Variants in EPHB1 observed in about 807,000 individuals in gnomAD.
The protein encoded by EPHB1 is EPH receptor B1.
In EPHB1, 30 loss-of-function variants were observed where a neutral mutation model predicts 94.4. The observed-to-expected ratio is 0.32, with a 90% CI of 0.24 to 0.43. The LOEUF (loss-of-function observed/expected upper bound fraction) is 0.43. Ranked by LOEUF, EPHB1 falls within the 20% of genes least tolerant of loss-of-function variation. EPHB1 has a pLI of 1.00. For synonymous variants in EPHB1, 522 were observed against 489.1 expected, an observed-to-expected ratio of 1.07 and a Z score of -0.89; for missense variants, 1,055 against 1,308.3, an observed-to-expected ratio of 0.81 and a Z score of 2.99.
At chr3:134,843,911 A>G (rs552530236) in intron 1 of EPHB1, among the ~76,000 whole-genome samples, 4 of 151,964 alleles carry the variant, frequency 2.6e-5, no homozygotes, top group Non-Finnish European at 5.9e-5. Flanking sequence ...GTTTCTATTG[A>G]TTGCTTTCTT....
At chr3:135,203,317 G>A (rs1232809401) in intron 12 of EPHB1, among the ~76,000 whole-genome samples, 1 of 152,124 alleles carries the variant, frequency 6.6e-6, no homozygotes, top group African/African-American at 2.4e-5. Flanking sequence ...AAACCTAGAT[G>A]ATGGGTTAAT....
chr3:134,840,300 C>T (rs1028787893), intron 1 of EPHB1, among the ~76,000 whole-genome samples: 3 of 152,198 alleles, frequency 2.0e-5, no homozygotes, highest in African/African-American at 7.2e-5. Context: ...CCATAGGTTT[C>T]ATAACCAGGT....
intron 1 of EPHB1, among the ~76,000 whole-genome samples, chr3:134,873,839 C>T (rs1015980253): frequency 1.3e-5 from 2 of 152,198 alleles, no homozygotes; most frequent in African/African-American, 2.4e-5. Flanking sequence ...GTGAACAAGA[C>T]GTGATCTCTC....
intron 9 of EPHB1, among the ~76,000 whole-genome samples, chr3:135,179,099 C>G (rs763113050): frequency 4.6e-5 from 7 of 152,064 alleles, no homozygotes; most frequent in Non-Finnish European, 8.8e-5. Flanking sequence ...CCATGCACAC[C>G]TATTTATCTT....
At chr3:135,174,152 A>G (rs146676667) in intron 9 of EPHB1, among the ~76,000 whole-genome samples, 56 of 152,314 alleles carry the variant, frequency 3.7e-4, no homozygotes, top group African/African-American at 1.2e-3. Flanking sequence ...CTTGCCAGCA[A>G]GATGAGCCCC....
At chr3:134,953,454 A>T (rs1167439643) in intron 3 of EPHB1, among the ~76,000 whole-genome samples, 4 of 152,254 alleles carry the variant, frequency 2.6e-5, no homozygotes, top group African/African-American at 4.8e-5. Context: ...ATCAACGTCA[A>T]CAGTTTTAAA....
intron 3 of EPHB1, among the ~76,000 whole-genome samples, chr3:135,098,473 A>T (rs1345718989): frequency 6.6e-6 from 1 of 152,188 alleles, no homozygotes; most frequent in African/African-American, 2.4e-5. Context: ...TGAATGTTGC[A>T]TGATTTATTT....
intron 3 of EPHB1, among the ~76,000 whole-genome samples, chr3:134,967,734 G>C (rs1933817072): frequency 1.3e-5 from 2 of 152,156 alleles, no homozygotes. Flanking sequence ...CCTAGTCTCA[G>C]GTTTTTAGTT....
At chr3:135,030,959 G>A (rs1006659608) in intron 3 of EPHB1, among the ~76,000 whole-genome samples, 9 of 152,218 alleles carry the variant, frequency 5.9e-5, no homozygotes, top group Non-Finnish European at 8.8e-5. Context: ...GAAAAGCGCA[G>A]TATTCGGGTG....
intron 1 of EPHB1, among the ~76,000 whole-genome samples, chr3:134,801,936 C>CA (rs2035941828): frequency 6.6e-6 from 1 of 152,208 alleles, no homozygotes; most frequent in South Asian, 2.1e-4. Context: ...GCCTGGAGGG[C>CA]AGTGGGTTGG....
intron 1 of EPHB1, among the ~76,000 whole-genome samples, chr3:134,826,952 A>T (rs982282965): frequency 6.6e-6 from 1 of 152,192 alleles, no homozygotes; most frequent in African/African-American, 2.4e-5. Context: ...CCTGGATAGC[A>T]TAGTGCATGC....
At chr3:135,178,487 C>A (rs1161470175) in intron 9 of EPHB1, among the ~76,000 whole-genome samples, 4 of 150,750 alleles carry the variant, frequency 2.7e-5, no homozygotes, top group African/African-American at 9.8e-5. Flanking sequence ...AAATTCTCCT[C>A]AATGGTTTGC....
intron 12 of EPHB1, among the ~76,000 whole-genome samples, chr3:135,228,666 A>G (rs1252664079): frequency 1.3e-5 from 2 of 152,214 alleles, no homozygotes; most frequent in African/African-American, 4.8e-5. Context: ...TTTCTCAACC[A>G]TCAAAGATGT....
intron 1 of EPHB1, among the ~76,000 whole-genome samples, chr3:134,834,714 G>A (rs2036640436): frequency 6.6e-6 from 1 of 152,168 alleles, no homozygotes; most frequent in Admixed American, 6.5e-5. Flanking sequence ...ACATCCAGGT[G>A]AAGGTCTCCT....
At chr3:134,957,508 T>C (rs2107719512) in intron 3 of EPHB1, among the ~76,000 whole-genome samples, 1 of 152,192 alleles carries the variant, frequency 6.6e-6, no homozygotes, top group East Asian at 1.9e-4. Context: ...TATCCGAGCA[T>C]CACTACCCCT....
At chr3:135,257,100 T>G (rs1933430201) in intron 15 of EPHB1, among the ~76,000 whole-genome samples, 1 of 149,298 alleles carries the variant, frequency 6.7e-6, no homozygotes, top group South Asian at 2.2e-4. Flanking sequence ...GTATTGGTTA[T>G]TCTAGTTATA....
chr3:134,991,618 T>C (rs36095), intron 3 of EPHB1, among the ~76,000 whole-genome samples: 97,161 of 152,080 alleles, frequency 0.64, 33,089 homozygotes, highest in African/African-American at 0.86. Context: ...TGCCACTGGC[T>C]CCATGGACCT....
At chr3:135,227,198 A>ATGTT (rs1261119570) in intron 12 of EPHB1, among the ~76,000 whole-genome samples, 1 of 152,246 alleles carries the variant, frequency 6.6e-6, no homozygotes, top group East Asian at 1.9e-4. Flanking sequence ...AAATAAAAAT[A>ATGTT]TGTTTAAAGT....
Position 134,885,731 on chromosome 3 carries a change from A to C in EPHB1, c.59-40085A>C, listed in dbSNP as rs1198469213. Reference sequence around the variant, plus strand: ...CCAGGGGGCTTAGTTACTGTTGTCTAGGCAGAGCTCCGGACTCTGGTGGAG... The same window carrying C: ...CCAGGGGGCTTAGTTACTGTTGTCTCGGCAGAGCTCCGGACTCTGGTGGAG... On this transcript the variant is annotated intron_variant, in intron 1 of 15. Coordinates refer to ENST00000398015, the MANE Select transcript of EPHB1 (RefSeq NM_004441.5). Among the ~76,000 whole-genome samples, 7 of 152,328 alleles carry C rather than the reference A, an allele frequency of 4.6e-5. No homozygotes were observed. The East Asian group carries it at 1.4e-3, about 29-fold the overall frequency.
Sources: allele counts gnomAD v4.1 joint callset (sites outside exome capture counted in the v4.1 genomes callset), GRCh38; gene constraint gnomAD v4.1.1; transcripts MANE v1.5; gene names NCBI Gene and HGNC (gene_info 2026-07-23, HGNC 2026-07-21).